The following NUP210L variants were observed in gnomAD, a reference collection of about 807,000 sequenced individuals.
NUP210L encodes the protein nucleoporin 210 like.
In NUP210L, 74 loss-of-function variants were observed where a neutral mutation model predicts 208.5. The observed-to-expected ratio is 0.35, with a 90% confidence interval of 0.29 to 0.43. The LOEUF (loss-of-function observed/expected upper bound fraction) is 0.43, where lower values mean the gene tolerates loss of function less well. NUP210L is among the 20% of genes least tolerant of loss of function. The pLI is 1.00. For synonymous variants in NUP210L, 780 were observed against 816.9 expected (o/e 0.95, Z 0.77); for missense variants, 1,843 against 2,289.4 (o/e 0.81, Z 3.98).
chr1:154,010,957 T>C (rs74970979), intron 34 of NUP210L, among the ~76,000 whole-genome samples: 5,027 of 152,224 alleles, frequency 0.033, 276 homozygotes, highest in African/African-American at 0.11. Context: ...TTGTTTTTCA[T>C]ATACAATGTT....
At chr1:154,026,808 C>T (rs938239526) in intron 29 of NUP210L, among the ~76,000 whole-genome samples, 2 of 152,030 alleles carry the variant, frequency 1.3e-5, no homozygotes, top group Non-Finnish European at 2.9e-5. Context: ...CAAGGCTGGG[C>T]GTGGTGGCTC....
intron 2 of NUP210L, among the ~76,000 whole-genome samples, chr1:154,147,510 T>TC (rs1443693987): frequency 6.6e-6 from 1 of 151,122 alleles, no homozygotes; most frequent in Non-Finnish European, 1.5e-5. Context: ...GCTAATTTTT[T>TC]CTTTTTTTTT....
At position 154,074,487 on chromosome 1, in the gene NUP210L, G is replaced by A. The variant is rs549542046; in HGVS notation, c.2362-4022C>T. On this transcript the variant is annotated intron_variant, in intron 16 of 39. Coordinates refer to ENST00000368559, the Ensembl canonical transcript of NUP210L. ...ACCTTGAGCATCACTATGGGATCAC[G>A]ATTTTTTTTTTTTTTTTTTGAGACG... 2.1e-5 allele frequency among the ~76,000 whole-genome samples: 3 copies of A among 140,868 alleles called. No individual in the cohort carries two copies. The East Asian group carries it at 6.2e-4, about 29-fold the overall frequency. 92.4% of individuals were successfully genotyped at this position (140,868 alleles called of 152,430 possible). A position where few individuals can be genotyped will look rare whatever the true frequency, so the allele number is the denominator to read the frequency against.
intron 16 of NUP210L, among the ~76,000 whole-genome samples, chr1:154,076,442 T>G (rs1323099142): frequency 6.6e-6 from 1 of 152,090 alleles, no homozygotes; most frequent in Non-Finnish European, 1.5e-5. Flanking sequence ...ACTAAAGGTA[T>G]TCATGTTTGA....
At chr1:154,043,264 C>T (rs567638758) in intron 27 of NUP210L, among the ~76,000 whole-genome samples, 72 of 152,140 alleles carry the variant, frequency 4.7e-4, no homozygotes, top group African/African-American at 1.5e-3. Flanking sequence ...AAGTGATCCA[C>T]GCGCCTCGGC....
chr1:153,999,495 T>C (rs770469187), intron 37 of NUP210L, among the ~76,000 whole-genome samples: 62 of 152,226 alleles, frequency 4.1e-4, no homozygotes, highest in South Asian at 6.2e-4. Context: ...CCCAGCACTT[T>C]GGGAGGCCAA....
exon 25 of NUP210L, chr1:154,054,279 G>A: frequency 6.2e-7 from 1 of 1,614,172 alleles, no homozygotes; most frequent in Non-Finnish European, 8.5e-7. Flanking sequence ...TCTGGATGGT[G>A]CCATGAACCA....
chr1:154,116,228 C>G (rs1571291973), intron 12 of NUP210L, among the ~76,000 whole-genome samples: 2 of 146,934 alleles, frequency 1.4e-5, no homozygotes, highest in African/African-American at 5.1e-5. Flanking sequence ...GCACTCCAGC[C>G]TTGGCGACAG....
chr1:154,118,949 T>C (rs1233122207), intron 10 of NUP210L, 141 bp from the exon 11 acceptor site: 1 of 444,846 alleles, frequency 2.2e-6, no homozygotes, highest in Admixed American at 3.5e-5. Flanking sequence ...AATAAATAAA[T>C]ATTTCTCTTC....
chr1:154,060,410 T>C, intron 20 of NUP210L, 130 bp downstream of exon 20: 1 of 621,486 alleles, frequency 1.6e-6, no homozygotes, highest in Non-Finnish European at 2.8e-6. Flanking sequence ...GAAGAATCTA[T>C]ATAGGTTAAA....
At chr1:153,992,862 T>C in exon 40 of NUP210L, 1 of 1,613,332 alleles carries the variant, frequency 6.2e-7, no homozygotes, top group South Asian at 1.1e-5. Flanking sequence ...ATAACCAATG[T>C]TGCAGCCGAC....
At chr1:154,003,210 T>C (rs1650318408) in intron 35 of NUP210L, among the ~76,000 whole-genome samples, 1 of 150,912 alleles carries the variant, frequency 6.6e-6, no homozygotes, top group East Asian at 2.0e-4. Context: ...ATTATTATTA[T>C]TTTATATATA....
exon 37 of NUP210L, chr1:154,001,058 G>T (rs781243407): frequency 6.2e-7 from 1 of 1,612,000 alleles, no homozygotes; most frequent in South Asian, 1.1e-5. Context: ...AGCTGGAGAT[G>T]ACCTTGGAGA....
intron 30 of NUP210L, among the ~76,000 whole-genome samples, chr1:154,024,353 G>A (rs1416163120): frequency 6.6e-6 from 1 of 152,078 alleles, no homozygotes; most frequent in Non-Finnish European, 1.5e-5. Flanking sequence ...TTAACAGTTA[G>A]ATGGGGATAA....
intron 18 of NUP210L, 48 bp downstream of exon 18, chr1:154,061,538 C>G: frequency 9.2e-7 from 1 of 1,090,512 alleles, no homozygotes; most frequent in Non-Finnish European, 1.4e-6. Context: ...AAGAGCTTTA[C>G]ATTCCAATTA....
At chr1:154,127,456 T>A (rs1658041939) in intron 8 of NUP210L, 39 bp from the exon 9 acceptor site, 3 of 990,408 alleles carry the variant, frequency 3.0e-6, no homozygotes, top group South Asian at 1.5e-5. Flanking sequence ...TAGAAGAGGC[T>A]AACATTTTTC....
At chr1:154,105,473 A>G (rs1656707646) in intron 12 of NUP210L, among the ~76,000 whole-genome samples, 3 of 99,508 alleles carry the variant, frequency 3.0e-5, no homozygotes, top group South Asian at 8.6e-4. Flanking sequence ...TAGGTGACAG[A>G]GCAAAAATCC....
At chr1:154,055,133 T>C (rs4060106) in intron 23 of NUP210L, among the ~76,000 whole-genome samples, 1 of 68,628 alleles carries the variant, frequency 1.5e-5, no homozygotes, top group South Asian at 5.4e-4. Flanking sequence ...TTTTCTTTCT[T>C]TCTTTCTTTC....
At chr1:154,123,979 C>T (rs1657751952) in intron 10 of NUP210L, among the ~76,000 whole-genome samples, 1 of 151,264 alleles carries the variant, frequency 6.6e-6, no homozygotes. Flanking sequence ...GTCAGGAGTT[C>T]GAGACCAGCC....
Sources: gnomAD v4.1 joint callset for allele counts (sites outside exome capture counted in the v4.1 genomes callset) on GRCh38, gnomAD v4.1.1 for gene constraint, MANE v1.5 for transcripts, NCBI Gene and HGNC (gene_info 2026-07-23, HGNC 2026-07-21) for gene names.